The following ARHGEF1 variants were observed in gnomAD, a reference collection of about 807,000 sequenced individuals.
ARHGEF1 encodes the protein 115 kDa guanine nucleotide exchange factor.
ARHGEF1 carries 40 observed loss-of-function variants against 119.7 expected under a neutral mutation model. The observed-to-expected ratio is 0.33, with a 90% CI of 0.26 to 0.44. ARHGEF1 has a LOEUF of 0.44. Among genes scored for constraint, ARHGEF1 ranks in the 20% least tolerant of loss-of-function variants. The pLI, the probability that ARHGEF1 is intolerant of heterozygous loss-of-function variation, is 1.00. For missense variants in ARHGEF1, 976 were observed against 1,268.3 expected (o/e 0.77, Z 3.50); for synonymous variants, 494 against 521.0 (o/e 0.95, Z 0.71).
rs1555849100 is a variant in ARHGEF1 at position 41,901,972 on chromosome 19, C to A, written c.1353C>A (p.Phe451Leu). Residue 451 changes from phenylalanine (F) to leucine (L), a missense_variant, in exon 15 of 29, where the codon TTC becomes TTA. Coordinates refer to ENST00000354532, the MANE Select transcript of ARHGEF1 (RefSeq NM_004706.4). ...TCCAGCCCATGGCAGAATGCCTGTT[C>A]TTCCCCTTGGAGGAGCTGCAGAACA... is the stretch of plus-strand genomic sequence containing the variant. Reference protein sequence around the residue: ...LFFQPMAECLFFPLEELQNIF... With the variant: ...LFFQPMAECLLFPLEELQNIF... The A allele has an allele frequency of 1.2e-6, 2 of 1,614,126 alleles. No homozygotes were observed. The highest frequency in any genetic ancestry group is 1.7e-5 in the Admixed American group (1 of 60,030).
chr19:41,903,226 G>C lies in ARHGEF1; in HGVS notation c.1739-81G>C. On this transcript the variant is annotated intron_variant, in intron 18 of 28. Coordinates refer to ENST00000354532, the MANE Select transcript of ARHGEF1 (RefSeq NM_004706.4). The surrounding 1 kb of genome is among the most constrained non-coding windows in gnomAD (Gnocchi z 4.2). ...CGTGAGCCACCATGCCCGGCCAGCT[G>C]TCCTTTGTCTAACCTTGGCTGCCCA... The C allele has an allele frequency of 7.6e-7, 1 of 1,315,282 alleles. No individual in the cohort carries two copies. Among genetic ancestry groups the C allele is most frequent in the Non-Finnish European group, 1.1e-6 (1 of 919,196 alleles). The allele number at this position is 1,315,282 out of a possible 1,614,324, so 81.5% of individuals were successfully genotyped here.
intron 11 of ARHGEF1, 23 bp from the exon 12 acceptor site, chr19:41,895,326 T>C: frequency 5.0e-6 from 8 of 1,591,352 alleles, no homozygotes; most frequent in Non-Finnish European, 6.9e-6. Context: ...TATCTCCCTC[T>C]TTCTCCCTCA....
Position 41,903,947 on chromosome 19 carries a change from C to T in ARHGEF1, c.1918-88C>T, listed in dbSNP as rs1307205335. On this transcript the variant is annotated intron_variant, in intron 20 of 28. Coordinates refer to ENST00000354532, the MANE Select transcript of ARHGEF1 (RefSeq NM_004706.4). The surrounding 1 kb of genome is among the most constrained non-coding windows in gnomAD (Gnocchi z 4.2). ...CCCATGATCCCCAGCCTGTGGTCAT[C>T]CCCGGCCACTGCCCTGCCCTTCCCC... 3.5e-6 allele frequency: 5 copies of T among 1,428,248 alleles called. No individual in the cohort carries two copies. The highest frequency in any genetic ancestry group is 4.9e-6 in the Non-Finnish European group (5 of 1,022,442). The allele number at this position is 1,428,248 out of a possible 1,614,324, so 88.5% of individuals were successfully genotyped here.
chr19:41,928,616 G>T, intron 1 of ARHGEF1: 1 of 180,760 alleles, frequency 5.5e-6, no homozygotes, highest in South Asian at 8.0e-5. Context: ...GCGCGGGGGA[G>T]GGGGCGGGGG....
At chr19:41,910,105 C>T (rs1358002772), downstream of ARHGEF1, 33 of 1,609,326 alleles carry the variant, frequency 2.1e-5, no homozygotes, top group African/African-American at 9.4e-5. The surrounding 1 kb of genome is among the most constrained non-coding windows in gnomAD (Gnocchi z 4.4). Context: ...ACCCTGGGGA[C>T]GGGAGGCAGG....
intron 1 of ARHGEF1, among the ~76,000 whole-genome samples, chr19:41,924,602 A>G (rs1271749528): frequency 2.0e-5 from 3 of 152,146 alleles, no homozygotes; most frequent in Non-Finnish European, 2.9e-5. Flanking sequence ...GGCACACATT[A>G]CAAGCACCTG....
intron 18 of ARHGEF1, among the ~76,000 whole-genome samples, chr19:41,913,297 C>T (rs1276517030): frequency 2.6e-5 from 4 of 151,230 alleles, no homozygotes; most frequent in African/African-American, 7.3e-5. Flanking sequence ...CGCCCCGCAC[C>T]GTCTCTGCTG....
At chr19:41,929,128 C>G in intron 2 of ARHGEF1, 1 of 303,752 alleles carries the variant, frequency 3.3e-6, no homozygotes, top group African/African-American at 2.2e-5. Context: ...AACCGGTACA[C>G]GGAGACATTC....
upstream of ARHGEF1, among the ~76,000 whole-genome samples, chr19:41,918,424 TCA>T (rs201443484): frequency 3.0e-5 from 4 of 131,638 alleles, no homozygotes; most frequent in East Asian, 4.6e-4. Flanking sequence ...CACACACATA[TCA>T]CACACACACA....
In ARHGEF1 at chr19:41,888,208, C is replaced by T. The variant is rs1555845557; in HGVS notation, c.41C>T (p.Ser14Phe). 9.3e-6 allele frequency: 15 copies of T among 1,614,132 alleles called. No individual in the cohort carries two copies. The highest frequency in any genetic ancestry group is 1.2e-5 in the Non-Finnish European group (14 of 1,180,004). The part of the protein sequence containing the change: ...FARGAASPGP[S>F]RPGLVPVSII... ...TTTCCACAGGCCTCCCCAGGCCCCT[C>T]CCGGCCTGGCCTGGTTCCCGTCAGC... is the stretch of plus-strand genomic sequence containing the variant. Residue 14 changes from serine to phenylalanine, a missense_variant, in exon 3 of 29, where the codon TCC becomes TTC. Transcript: ENST00000354532. The surrounding 1 kb of genome is among the most constrained non-coding windows in gnomAD (Gnocchi z 5.1).
upstream of ARHGEF1, among the ~76,000 whole-genome samples, chr19:41,921,484 A>G (rs78460313): frequency 7.1e-3 from 1,076 of 152,154 alleles, 15 homozygotes; most frequent in African/African-American, 0.025. This position sits in a 1 kb window ranked among gnomAD's most constrained non-coding sequence, Gnocchi z 4.4. Flanking sequence ...ATGCACACGC[A>G]GAGAGAAGAG....
intron 13 of ARHGEF1, chr19:41,898,017 T>G: frequency 1.5e-6 from 2 of 1,330,978 alleles, no homozygotes; most frequent in Non-Finnish European, 1.9e-6. Context: ...CGGGGCAGCC[T>G]CGGGGCTAAG....
chr19:41,925,272 G>T (rs1424442245), intron 1 of ARHGEF1, among the ~76,000 whole-genome samples: 5 of 152,096 alleles, frequency 3.3e-5, no homozygotes, highest in Non-Finnish European at 5.9e-5. Context: ...GGGGTTACTG[G>T]TGTGACCTTG....
At chr19:41,913,161 GCCT>G (rs1350408244) in intron 18 of ARHGEF1, among the ~76,000 whole-genome samples, 4 of 150,818 alleles carry the variant, frequency 2.7e-5, no homozygotes, top group Non-Finnish European at 5.9e-5. Flanking sequence ...TCCTCCCGCA[GCCT>G]CCTCCTCACT....
At chr19:41,887,175 G>A (rs1357662934) in intron 1 of ARHGEF1, among the ~76,000 whole-genome samples, 3 of 152,176 alleles carry the variant, frequency 2.0e-5, no homozygotes, top group Non-Finnish European at 2.9e-5. Context: ...GGAAGGGGGT[G>A]TCACCGCTGA....
upstream of ARHGEF1, among the ~76,000 whole-genome samples, chr19:41,922,656 G>A (rs1238530905): frequency 6.6e-6 from 1 of 152,072 alleles, no homozygotes; most frequent in South Asian, 2.1e-4. Flanking sequence ...AGGGCAAGGG[G>A]CGGGGCCTGG....
At position 41,892,387 on chromosome 19, in the gene ARHGEF1, T is replaced by C; in HGVS notation, c.367+14T>C. 6.2e-7 allele frequency: 1 copy of C among 1,613,818 alleles called. No individual in the cohort carries two copies. The highest frequency in any genetic ancestry group is 8.5e-7 in the Non-Finnish European group (1 of 1,179,906). On this transcript the variant is annotated intron_variant, in intron 6 of 28. Transcript: ENST00000354532. The surrounding 1 kb of genome is among the most constrained non-coding windows in gnomAD (Gnocchi z 6.3). ...CCTTTGAACTTGGTAAGGAGAAGGATGGGATGAGGGAGAGGTGTCTAGCGG... is the reference window on the plus strand; with the variant it reads ...CCTTTGAACTTGGTAAGGAGAAGGACGGGATGAGGGAGAGGTGTCTAGCGG...
intron 1 of ARHGEF1, among the ~76,000 whole-genome samples, chr19:41,925,633 G>A (rs567765059): frequency 5.9e-5 from 9 of 152,202 alleles, no homozygotes; most frequent in African/African-American, 2.2e-4. Context: ...ATCAGGTGGT[G>A]CTTGGGGTTA....
upstream of ARHGEF1, among the ~76,000 whole-genome samples, chr19:41,919,798 C>T (rs1457216988): frequency 6.7e-6 from 1 of 149,314 alleles, no homozygotes; most frequent in African/African-American, 2.6e-5. Context: ...AGATAACTGC[C>T]CCAGGTCCCT....
Sources: allele counts gnomAD v4.1 joint callset (sites outside exome capture counted in the v4.1 genomes callset), GRCh38; gene constraint gnomAD v4.1.1; non-coding constraint Gnocchi (gnomAD v3.1); transcripts MANE v1.5; gene names NCBI Gene and HGNC (gene_info 2026-07-23, HGNC 2026-07-21).